The following CPEB2 variants were observed in gnomAD, a reference collection of about 807,000 sequenced individuals.
The protein encoded by CPEB2 is cytoplasmic polyadenylation element binding protein 2.
Under a neutral mutation model 93.6 loss-of-function variants are expected in CPEB2, and 56 were observed. The ratio of observed to expected loss-of-function variants is 0.60; its 90% CI spans 0.48 to 0.75. The LOEUF is 0.75. Among genes scored for constraint, CPEB2 ranks in the 30% least tolerant of loss-of-function variants. The pLI, the probability that CPEB2 is intolerant of heterozygous loss-of-function variation, is 0.00. For synonymous variants in CPEB2, 764 were observed against 586.3 expected, an observed-to-expected ratio of 1.30 and a Z score of -4.38; for missense variants, 1,579 against 1,395.1, an observed-to-expected ratio of 1.13 and a Z score of -2.10.
intron 11 of CPEB2, 22 bp downstream of exon 11, chr4:15,062,282 C>A: frequency 6.3e-7 from 1 of 1,576,914 alleles, no homozygotes; most frequent in African/African-American, 1.3e-5. Context: ...ATTGGGAAAT[C>A]ACTTATGTCC....
chr4:15,037,626 G>C lies in CPEB2; in HGVS notation c.2177-2838G>C, dbSNP rs149227678. 2.9e-3 allele frequency among the ~76,000 whole-genome samples: 436 copies of C among 152,234 alleles called. 5 individuals are homozygous for C. The highest frequency in any genetic ancestry group is 0.01 in the African/African-American group (431 of 41,558). On this transcript the variant is annotated intron_variant, in intron 5 of 11. Transcript: ENST00000538197. ...TGGAAACCAGAACCAAAATTGTAAAGTCGCTTGTCTTCAGGCTTTTCTCAA... is the reference window on the plus strand; with the variant it reads ...TGGAAACCAGAACCAAAATTGTAAACTCGCTTGTCTTCAGGCTTTTCTCAA...
In CPEB2 at chr4:15,069,001, ATATT is replaced by A. The variant is rs1230940378; in HGVS notation, c.*2627_*2630del. On this transcript the variant is annotated 3_prime_UTR_variant, in exon 12 of 12. Coordinates refer to ENST00000538197, the MANE Select transcript of CPEB2 (RefSeq NM_001177382.2). ...GAGGTTTTTTTTTAATTTACAGATC[ATATT>A]TATTTTACTATTTTTGTAGAAAATT... is the stretch of plus-strand genomic sequence containing the variant. 2 of 150,906 alleles carry A rather than the reference ATATT, an allele frequency of 1.3e-5. No individual in the cohort carries two copies. The highest frequency in any genetic ancestry group is 1.5e-5 in the Non-Finnish European group (1 of 67,464). The allele number at this position is 150,906 out of a possible 1,614,324, so 9.3% of individuals were successfully genotyped here.
intron 6 of CPEB2, among the ~76,000 whole-genome samples, chr4:15,049,068 A>G (rs1251775175): frequency 6.6e-6 from 1 of 152,014 alleles, no homozygotes; most frequent in East Asian, 1.9e-4. Context: ...TAGTATGGCT[A>G]GTGTGCAAAA....
At chr4:15,006,449 A>G (rs1424712334) in intron 1 of CPEB2, 1 of 151,422 alleles carries the variant, frequency 6.6e-6, no homozygotes, top group East Asian at 1.9e-4. Context: ...AACTACAATT[A>G]TTAGCGTTTT....
At chr4:15,032,754 T>C (rs1726248282) in intron 4 of CPEB2, among the ~76,000 whole-genome samples, 1 of 152,122 alleles carries the variant, frequency 6.6e-6, no homozygotes, top group Non-Finnish European at 1.5e-5. Flanking sequence ...GAATATGAAA[T>C]TCTCTCAAGT....
At chr4:15,047,745 TG>T (rs1226926189) in intron 6 of CPEB2, among the ~76,000 whole-genome samples, 1 of 152,032 alleles carries the variant, frequency 6.6e-6, no homozygotes, top group African/African-American at 2.4e-5. Context: ...TTTGATTTGT[TG>T]TACCTCCAGT....
At chr4:15,044,423 C>G (rs1401230560) in intron 6 of CPEB2, among the ~76,000 whole-genome samples, 1 of 151,996 alleles carries the variant, frequency 6.6e-6, no homozygotes, top group Non-Finnish European at 1.5e-5. Context: ...ACACCTATAC[C>G]CAGCAATATG....
intron 4 of CPEB2, among the ~76,000 whole-genome samples, chr4:15,021,993 T>TTAA (rs1364181238): frequency 2.0e-5 from 3 of 152,214 alleles, no homozygotes; most frequent in Admixed American, 6.5e-5. Flanking sequence ...TCAGCTGACC[T>TTAA]TAATATAAGA....
chr4:15,003,674 T>C lies in CPEB2; in HGVS notation c.1001T>C (p.Leu334Pro). 11 of 1,465,144 alleles carry C rather than the reference T, an allele frequency of 7.5e-6. No homozygotes were observed. Among genetic ancestry groups the C allele is most frequent in the Non-Finnish European group, 9.9e-6 (11 of 1,111,056 alleles). The allele number at this position is 1,465,144 out of a possible 1,614,324, so 90.8% of individuals were successfully genotyped here. A position where few individuals can be genotyped will look rare whatever the true frequency, so the allele number is the denominator to read the frequency against. Residue 334 changes from leucine (L) to proline (P), a missense_variant, in exon 1 of 12, where the codon CTT becomes CCT. Physicochemically the swap from Leu to Pro is moderately conservative, Grantham distance 98 (BLOSUM62 -3). Transcript: ENST00000538197. Reference protein sequence around the residue: ...SPSNLLPGGALGAGAFSSLQS... With the variant: ...SPSNLLPGGAPGAGAFSSLQS... ...AGTAACCTCCTGCCCGGAGGTGCGC[T>C]TGGCGCGGGCGCCTTCAGCAGCCTG...
intron 5 of CPEB2, among the ~76,000 whole-genome samples, chr4:15,037,325 CTG>C (rs1040291628): frequency 1.3e-5 from 2 of 151,786 alleles, no homozygotes; most frequent in African/African-American, 4.8e-5. Flanking sequence ...AAAAAAAAGA[CTG>C]TGATTTAGTA....
chr4:15,055,390 G>A (rs1167512751), intron 8 of CPEB2, among the ~76,000 whole-genome samples: 1 of 152,114 alleles, frequency 6.6e-6, no homozygotes, highest in East Asian at 1.9e-4. Flanking sequence ...CACATAGATA[G>A]AGATGTTTAT....
chr4:15,006,569 C>T (rs1182016708), intron 1 of CPEB2: 1 of 152,134 alleles, frequency 6.6e-6, no homozygotes, highest in Non-Finnish European at 1.5e-5. Flanking sequence ...GTATCAAGAT[C>T]TCTAGTGGAA....
At chr4:15,014,667 CT>C (rs766788529) in intron 3 of CPEB2, among the ~76,000 whole-genome samples, 1 of 151,014 alleles carries the variant, frequency 6.6e-6, no homozygotes, top group Non-Finnish European at 1.5e-5. Context: ...CAGAACTCGA[CT>C]TTTTTTTTAC....
chr4:15,009,607 TTAATG>T (rs1482410661), intron 3 of CPEB2, among the ~76,000 whole-genome samples: 1 of 152,168 alleles, frequency 6.6e-6, no homozygotes, highest in African/African-American at 2.4e-5. Context: ...GAGAAGAAAA[TTAATG>T]TAATTATTTT....
At chr4:15,039,689 C>T (rs138183280) in intron 5 of CPEB2, among the ~76,000 whole-genome samples, 1 of 151,642 alleles carries the variant, frequency 6.6e-6, no homozygotes, top group African/African-American at 2.4e-5. Context: ...GGAATTATGT[C>T]ACTGCAAGTA....
intron 3 of CPEB2, 81 bp from the exon 4 acceptor site, chr4:15,017,107 A>G: frequency 2.7e-6 from 2 of 744,554 alleles, no homozygotes; most frequent in Non-Finnish European, 4.7e-6. Context: ...ATTTTATGTA[A>G]GAGAATTTAG....
At chr4:15,011,607 G>A (rs1263139941) in intron 3 of CPEB2, among the ~76,000 whole-genome samples, 1 of 151,940 alleles carries the variant, frequency 6.6e-6, no homozygotes, top group Non-Finnish European at 1.5e-5. Flanking sequence ...GTCCAGCCTC[G>A]GCAACATAAC....
At position 15,047,389 on chromosome 4, in the gene CPEB2, T is replaced by C. The variant is rs1727813642; in HGVS notation, c.2201-5025T>C. Among the ~76,000 whole-genome samples, 3 of 152,280 alleles carry C rather than the reference T, an allele frequency of 2.0e-5. No homozygotes were observed. In the South Asian group the frequency reaches 6.2e-4, roughly 32 times the overall value. On this transcript the variant is annotated intron_variant, in intron 6 of 11. Coordinates refer to ENST00000538197, the MANE Select transcript of CPEB2 (RefSeq NM_001177382.2). ...TGGAAAGAATTTACATCTAACATGG[T>C]TTCTTCTGTTTATTCATTTATTTCA...
rs1729778640 is a variant in CPEB2, at chr4:15,067,371, G to A, written c.*991G>A. The A allele has an allele frequency of 6.6e-6, 1 of 152,456 alleles. No individual in the cohort carries two copies. The highest frequency in any genetic ancestry group is 1.5e-5 in the Non-Finnish European group (1 of 67,980). 9.4% of individuals were successfully genotyped at this position (152,456 alleles called of 1,614,324 possible). On this transcript the variant is annotated 3_prime_UTR_variant, in exon 12 of 12. Coordinates refer to ENST00000538197, the MANE Select transcript of CPEB2 (RefSeq NM_001177382.2). ...TGTGATCTGGTCAGTAGTGGAATTC[G>A]ATTTTATGCAGACTGGATGTAATAT...
Sources: gnomAD v4.1 joint callset for allele counts (sites outside exome capture counted in the v4.1 genomes callset) on GRCh38, gnomAD v4.1.1 for gene constraint, MANE v1.5 for transcripts, NCBI Gene and HGNC (gene_info 2026-07-23, HGNC 2026-07-21) for gene names.